SPTBN5: variants seen among roughly 807,000 people sequenced by gnomAD.
SPTBN5 encodes spectrin beta, non-erythrocytic 5.
SPTBN5 carries 513 observed loss-of-function variants against 477.6 expected under a neutral mutation model. That is an observed-to-expected ratio of 1.07 (90% confidence interval 1.00 to 1.16). The LOEUF is 1.16. Among genes scored for constraint, SPTBN5 ranks in the 50% most tolerant of loss-of-function variants. The pLI, the probability that SPTBN5 is intolerant of heterozygous loss-of-function variation, is 0.00. For synonymous variants in SPTBN5, 2,169 were observed against 2,011.7 expected (o/e 1.08, Z -2.09); for missense variants, 5,062 against 4,731.8 (o/e 1.07, Z -2.05).
intron 24 of SPTBN5, 94 bp from the exon 25 acceptor site, chr15:41,874,139 AC>A (rs763718349): frequency 6.6e-7 from 1 of 1,508,772 alleles, no homozygotes; most frequent in Non-Finnish European, 8.9e-7. Flanking sequence ...TCATGGCAAG[AC>A]CCCCAGGGTC....
chr15:41,855,107 C>A, intron 55 of SPTBN5, 117 bp downstream of exon 55: 1 of 1,431,490 alleles, frequency 7.0e-7, no homozygotes. Context: ...CGGGATCCTC[C>A]CTAGGACACC....
At chr15:41,850,048 G>T in intron 66 of SPTBN5, 89 bp from the exon 67 acceptor site, 1 of 1,106,912 alleles carries the variant, frequency 9.0e-7, no homozygotes, top group Non-Finnish European at 1.3e-6. Flanking sequence ...GCTTCTGGAG[G>T]CTCAGCACAG....
Position 41,854,917 on chromosome 15 carries a change from C to A in SPTBN5, c.9483G>T (p.Lys3161Asn). Residue 3161 changes from lysine (K) to asparagine (N), a missense_variant, in exon 56 of 68, where the codon AAG becomes AAT. Coordinates refer to ENST00000320955, the MANE Select transcript of SPTBN5 (RefSeq NM_016642.4). The stretch of plus-strand genomic sequence containing the variant: ...CTGCCAACTTCCTCAGGGCATACAC[C>A]TTGGCCTGGCCCAGGCTCTGCACTT... ...RKEVQSLGQA[K>N]VYALRKLAGT... The A allele has an allele frequency of 6.3e-7, 1 of 1,595,976 alleles. No individual in the cohort carries two copies. The highest frequency in any genetic ancestry group is 8.5e-7 in the Non-Finnish European group (1 of 1,172,330).
At chr15:41,892,858 C>T (rs1204896492) in intron 3 of SPTBN5, 36 bp downstream of exon 3, 10 of 1,557,810 alleles carry the variant, frequency 6.4e-6, no homozygotes, top group Non-Finnish European at 8.6e-6. Context: ...GCTGCCTGCC[C>T]CAGCACCATC....
In SPTBN5 at chr15:41,852,892, G is replaced by A. The variant is rs761262339; in HGVS notation, c.10279C>T (p.Gln3427Ter). Residue 3427 changes from glutamine (Q) to a stop codon, truncating the protein, a stop_gained, in exon 60 of 68, where the codon CAG becomes TAG. Coordinates refer to ENST00000320955, the MANE Select transcript of SPTBN5 (RefSeq NM_016642.4). LOFTEE classifies it high-confidence loss of function. ...CAGGCCTCAGCCTGCTCCAGCCTCT[G>A]CCGAAGCTTCTGCAGGCCCCAGCTC... Reference protein sequence around the residue: ...AESWGLQKLRQRLEQAEAWLA... With the variant: ...AESWGLQKLR The A allele has an allele frequency of 5.6e-6, 9 of 1,608,214 alleles. No individual in the cohort carries two copies. Among genetic ancestry groups the A allele is most frequent in the Middle Eastern group, 1.7e-4 (1 of 6,038 alleles).
intron 45 of SPTBN5, 31 bp downstream of exon 45, chr15:41,861,704 A>T (rs774996177): frequency 2.1e-5 from 32 of 1,524,180 alleles, no homozygotes; most frequent in African/African-American, 9.6e-5. Flanking sequence ...CGGGGGGGCA[A>T]GATGCAGGCT....
chr15:41,871,983 G>A, intron 27 of SPTBN5, 66 bp from the exon 28 acceptor site: 3 of 1,447,726 alleles, frequency 2.1e-6, no homozygotes, highest in Non-Finnish European at 2.7e-6. Context: ...AGTCGGGCCA[G>A]CCAGAGGGGC....
Position 41,856,574 on chromosome 15 carries a change from G to A in SPTBN5, c.8833C>T (p.His2945Tyr). ...HQNLESEMSS[H>Y]EALTRVVLGT... ...AGCACCACCCGGGTCAGAGCCTCGT[G>A]GCTGCTCATCTCACTCTCCAGGTTC... is the stretch of plus-strand genomic sequence containing the variant. Residue 2945 changes from histidine to tyrosine, a missense_variant, in exon 53 of 68, where the codon CAC becomes TAC. By Grantham distance (83) the His-to-Tyr change is moderately conservative. Coordinates refer to ENST00000320955, the MANE Select transcript of SPTBN5 (RefSeq NM_016642.4). 1 of 1,593,870 alleles carries A rather than the reference G, an allele frequency of 6.3e-7. No individual in the cohort carries two copies. Among genetic ancestry groups the A allele is most frequent in the Non-Finnish European group, 8.5e-7 (1 of 1,174,876 alleles).
rs1449993773 is a variant in SPTBN5, at chr15:41,860,734, G to A, written c.7840C>T (p.Leu2614Phe). Residue 2614 changes from leucine (L) to phenylalanine (F), a missense_variant, in exon 47 of 68, where the codon CTT (leucine) becomes TTT (phenylalanine). Physicochemically the swap from Leu to Phe is conservative, Grantham distance 22 (BLOSUM62 0). Transcript: ENST00000320955. ...LWDPLAPMEPLLWKHKMLEWD... is the reference protein window; with the variant it reads ...LWDPLAPMEPFLWKHKMLEWD... The stretch of plus-strand genomic sequence containing the variant: ...TCCAGCATCTTGTGCTTCCACAGAA[G>A]GGGCTCCATGGGGGCCAAGGGGTCC... 5.0e-6 allele frequency: 8 copies of A among 1,596,296 alleles called. No homozygotes were observed. In the African/African-American group the frequency reaches 8.1e-5, roughly 16 times the overall value.
At position 41,857,537 on chromosome 15, in the gene SPTBN5, G is replaced by A; in HGVS notation, c.8364+36C>T. 5 of 1,603,996 alleles carry A rather than the reference G, an allele frequency of 3.1e-6. No individual in the cohort carries two copies. The South Asian group carries it at 4.4e-5, about 14-fold the overall frequency. On this transcript the variant is annotated intron_variant, in intron 50 of 67. Transcript: ENST00000320955. ...GTAGGCAGGAGGGGAGTGTCCTGGAGCCCGGCCAGCCACCCCTCGGCCTGC... is the reference window on the plus strand; with the variant it reads ...GTAGGCAGGAGGGGAGTGTCCTGGAACCCGGCCAGCCACCCCTCGGCCTGC...
At chr15:41,866,608 A>C (rs2066325632) in intron 36 of SPTBN5, 115 bp from the exon 37 acceptor site, 3 of 1,235,276 alleles carry the variant, frequency 2.4e-6, no homozygotes, top group Non-Finnish European at 3.2e-6. Flanking sequence ...GGCGGGCAGC[A>C]CCTGGTAAAT....
chr15:41,867,450 G>A, intron 35 of SPTBN5, 88 bp downstream of exon 35: 1 of 1,287,312 alleles, frequency 7.8e-7, no homozygotes, highest in Non-Finnish European at 1.1e-6. Context: ...ACTGCCTCCA[G>A]GAACACACCA....
Position 41,881,972 on chromosome 15 carries a change from C to T in SPTBN5, c.2421G>A (p.Gln807=), listed in dbSNP as rs538386002. The part of the protein sequence containing the change: ...FAAELRRLEE[Q]GRAASARASL... ...ACGCCCGGGCCGAGGCCGCCCGCCCCTGCTCCTCCAGCCGCCGCAGCTCGG... is the reference window on the plus strand; with the variant it reads ...ACGCCCGGGCCGAGGCCGCCCGCCCTTGCTCCTCCAGCCGCCGCAGCTCGG... Residue 807 remains glutamine (Q), a synonymous_variant, in exon 12 of 68, where the codon CAG becomes CAA. Coordinates refer to ENST00000320955, the MANE Select transcript of SPTBN5 (RefSeq NM_016642.4). 2.6e-6 allele frequency: 4 copies of T among 1,541,154 alleles called. No individual in the cohort carries two copies. In the East Asian group the frequency reaches 7.5e-5, roughly 29 times the overall value.
intron 3 of SPTBN5, chr15:41,892,685 C>T (rs1489555015): frequency 3.7e-6 from 2 of 542,274 alleles, no homozygotes; most frequent in East Asian, 6.3e-5. Context: ...TTGCTACTGC[C>T]ATGGCCAGCT....
At position 41,882,479 on chromosome 15, in the gene SPTBN5, G is replaced by T; in HGVS notation, c.2047-10C>A. Reference sequence around the variant, plus strand: ...CCTCAGCTTCCAGGGCCTAGCGGGGGGCAGAGCAGGGGGCTCAGTGAAGGC... The same window carrying T: ...CCTCAGCTTCCAGGGCCTAGCGGGGTGCAGAGCAGGGGGCTCAGTGAAGGC... On this transcript the variant is annotated splice_polypyrimidine_tract_variant and intron_variant, in intron 10 of 67. Transcript: ENST00000320955. The T allele has an allele frequency of 6.4e-7, 1 of 1,557,886 alleles. No homozygotes were observed. Among genetic ancestry groups the T allele is most frequent in the East Asian group, 2.4e-5 (1 of 42,328 alleles).
chr15:41,855,700 C>G lies in SPTBN5; in HGVS notation c.9067G>C (p.Asp3023His). 2 of 1,600,644 alleles carry G rather than the reference C, an allele frequency of 1.2e-6. No homozygotes were observed. The highest frequency in any genetic ancestry group is 1.7e-6 in the Non-Finnish European group (2 of 1,175,876). Residue 3023 changes from aspartate to histidine, a missense_variant, in exon 54 of 68, where the codon GAC (aspartate) becomes CAC (histidine). By Grantham distance (81) the Asp-to-His change is moderately conservative. Transcript: ENST00000320955. ...SWLAERGHVL[D>H]SEDMGHSAEA... Reference sequence around the variant, plus strand: ...GCACTGTGGCCCATGTCCTCGCTGTCCAGGACATGGCCCCGCTCAGCCAGC... The same window carrying G: ...GCACTGTGGCCCATGTCCTCGCTGTGCAGGACATGGCCCCGCTCAGCCAGC...
intron 47 of SPTBN5, 140 bp from the exon 48 acceptor site, chr15:41,859,120 CTG>C: frequency 1.6e-6 from 1 of 606,404 alleles, no homozygotes; most frequent in South Asian, 3.0e-5. Flanking sequence ...CACTCCCCCT[CTG>C]TATTTGTGTC....
rs746406738 is a variant in SPTBN5 at position 41,852,277 on chromosome 15, G to C, written c.10489C>G (p.Pro3497Ala). 27 of 1,603,376 alleles carry C rather than the reference G, an allele frequency of 1.7e-5. No individual in the cohort carries two copies. The highest frequency in any genetic ancestry group is 2.1e-5 in the Non-Finnish European group (25 of 1,175,052). The change falls in exon 62 of 68, where the codon CCC becomes GCC. Residue 3497 changes from proline (P) to alanine (A), a missense_variant. Coordinates refer to ENST00000320955, the MANE Select transcript of SPTBN5 (RefSeq NM_016642.4). Reference protein sequence around the residue: ...ELLLQPQELKPGRAGSSLTSF... With the variant: ...ELLLQPQELKAGRAGSSLTSF... ...GTCAGCGAGCTGCCAGCTCTCCCGG[G>C]CTTCAGCTCCTGTGGCTGCAGCAGG...
At chr15:41,866,692 T>C (rs763943492) in intron 36 of SPTBN5, 199 bp from the exon 37 acceptor site, 313 of 754,960 alleles carry the variant, frequency 4.1e-4, no homozygotes, top group Non-Finnish European at 5.9e-4. Flanking sequence ...GGCTCTCGTT[T>C]TGGAGGTGTG....
Sources: allele counts gnomAD v4.1 joint callset, GRCh38; gene constraint gnomAD v4.1.1; transcripts MANE v1.5; gene names NCBI Gene and HGNC (gene_info 2026-07-23, HGNC 2026-07-21).